SV2A: variants seen among roughly 807,000 people sequenced by gnomAD.
The protein encoded by SV2A is solute carrier family 22 member B1.
In SV2A, 25 loss-of-function variants were observed where a neutral mutation model predicts 78.0. The ratio of observed to expected loss-of-function variants is 0.32; its 90% CI spans 0.23 to 0.45. SV2A has a LOEUF of 0.45. Ranked by LOEUF, SV2A falls within the 20% of genes least tolerant of loss-of-function variation. SV2A has a pLI of 1.00. For missense variants in SV2A, 752 were observed against 971.5 expected (o/e 0.77, Z 3.00); for synonymous variants, 355 against 384.7 (o/e 0.92, Z 0.90).
At chr1:149,911,715 G>C in intron 3 of SV2A, 85 bp downstream of exon 3, 1 of 1,361,836 alleles carries the variant, frequency 7.3e-7, no homozygotes, top group Non-Finnish European at 1.0e-6. Context: ...CATTTGGTGT[G>C]CCTGGCACTG....
In SV2A at chr1:149,909,575, G is replaced by T. The variant is rs371034362; in HGVS notation, c.1180-4C>A. 1 of 1,613,432 alleles carries T rather than the reference G, an allele frequency of 6.2e-7. No individual in the cohort carries two copies. The highest frequency in any genetic ancestry group is 1.1e-5 in the South Asian group (1 of 91,062). On this transcript the variant is annotated splice_region_variant and splice_polypyrimidine_tract_variant and intron_variant, in intron 6 of 12. Transcript: ENST00000369146. Reference sequence around the variant, plus strand: ...GAATCGTCTTAATGTGGGTTACCTGGGGTCAAGAGAAGGGGTGGGCAGTCA... The same window carrying T: ...GAATCGTCTTAATGTGGGTTACCTGTGGTCAAGAGAAGGGGTGGGCAGTCA...
intron 8 of SV2A, 145 bp downstream of exon 8, chr1:149,909,047 A>T: frequency 1.4e-6 from 1 of 721,616 alleles, no homozygotes; most frequent in Non-Finnish European, 2.4e-6. Flanking sequence ...CTAGCGAAGT[A>T]GAGGAGCTGG....
intron 1 of SV2A, among the ~76,000 whole-genome samples, chr1:149,916,350 A>T (rs587691338): frequency 1.3e-5 from 2 of 152,326 alleles, no homozygotes; most frequent in African/African-American, 2.4e-5. Context: ...AGAAAGAAAG[A>T]AGACAAATTC....
chr1:149,913,074 G>A (rs2092485724), intron 2 of SV2A, 145 bp downstream of exon 2: 1 of 1,033,280 alleles, frequency 9.7e-7, no homozygotes, highest in African/African-American at 1.6e-5. Flanking sequence ...TGTGAGGGAA[G>A]AGTGTGCAGA....
At chr1:149,907,912 G>A (rs2092449178) in intron 9 of SV2A, 79 bp from the exon 10 acceptor site, 3 of 1,577,232 alleles carry the variant, frequency 1.9e-6, no homozygotes, top group East Asian at 2.2e-5. Context: ...GCGAAGTAAT[G>A]GGAAGCTGGG....
intron 3 of SV2A, 32 bp from the exon 4 acceptor site, chr1:149,911,009 A>G (rs1333373387): frequency 1.2e-6 from 2 of 1,604,412 alleles, no homozygotes; most frequent in Non-Finnish European, 1.7e-6. Context: ...CAGCATTAGC[A>G]AATGGCCATA....
At position 149,904,824 on chromosome 1, in the gene SV2A, G is replaced by T. The variant is rs933392877; in HGVS notation, c.*190C>A. 1.7e-6 allele frequency: 1 copy of T among 592,372 alleles called. No individual in the cohort carries two copies. Among genetic ancestry groups the T allele is most frequent in the African/African-American group, 1.9e-5 (1 of 53,474 alleles). 36.7% of individuals were successfully genotyped at this position (592,372 alleles called of 1,614,324 possible). Reference sequence around the variant, plus strand: ...GCTTCATCTCAAAACTGGGATGAAGGAGCCTTCCCTGTAGTCCCTGCCCAC... The same window carrying T: ...GCTTCATCTCAAAACTGGGATGAAGTAGCCTTCCCTGTAGTCCCTGCCCAC... On this transcript the variant is annotated 3_prime_UTR_variant, in exon 13 of 13. Coordinates refer to ENST00000369146, the MANE Select transcript of SV2A (RefSeq NM_014849.5).
intron 2 of SV2A, among the ~76,000 whole-genome samples, chr1:149,912,436 A>G (rs1306201706): frequency 2.0e-5 from 3 of 152,126 alleles, no homozygotes; most frequent in African/African-American, 7.2e-5. Context: ...TCTCCCACAC[A>G]AAATCCATCC....
At chr1:149,916,867 G>T (rs1200128612) in intron 1 of SV2A, among the ~76,000 whole-genome samples, 1 of 152,196 alleles carries the variant, frequency 6.6e-6, no homozygotes, top group East Asian at 1.9e-4. Flanking sequence ...AGGAAGATAG[G>T]AGCACCCACA....
chr1:149,913,677 T>A lies in SV2A; in HGVS notation c.164A>T (p.Asp55Val), dbSNP rs201845756. 5.2e-5 allele frequency: 84 copies of A among 1,614,146 alleles called. No homozygotes were observed. The highest frequency in any genetic ancestry group is 1.5e-4 in the Admixed American group (9 of 60,024). The change falls in exon 2 of 13, where the codon GAT becomes GTT. Residue 55 changes from aspartate to valine, a missense_variant. By Grantham distance (152) the Asp-to-Val change is radical (BLOSUM62 -3). Around this residue, in one of 7 missense-constraint regions of SV2A, gnomAD observed 291 missense variants for 359.5 expected, o/e 0.81. Coordinates refer to ENST00000369146, the MANE Select transcript of SV2A (RefSeq NM_014849.5). ...ATCACTGGGAGCAGGGAAGTCATCATCATCATCCTCCTCCTCAAAGCGGGA... is the reference window on the plus strand; with the variant it reads ...ATCACTGGGAGCAGGGAAGTCATCAACATCATCCTCCTCCTCAAAGCGGGA... ...SYSRFEEEDD[D>V]DDFPAPSDGY...
At chr1:149,912,735 G>C (rs782596386) in intron 2 of SV2A, among the ~76,000 whole-genome samples, 1 of 152,008 alleles carries the variant, frequency 6.6e-6, no homozygotes, top group South Asian at 2.1e-4. Flanking sequence ...ACTCCCATCT[G>C]AGTGAGAGAA....
intron 7 of SV2A, 65 bp downstream of exon 7, chr1:149,909,396 C>T: frequency 2.6e-6 from 4 of 1,562,576 alleles, no homozygotes; most frequent in Non-Finnish European, 2.6e-6. Context: ...CACACATAGA[C>T]TTCAGTCCTG....
chr1:149,909,486 A>AC lies in SV2A; in HGVS notation c.1264dup (p.Val422GlyfsTer49). ...CTGCCCCCCTAGGCTCAAGGCCCGG[A>AC]CCCCCCAGCGCTGGTACCAGGTCCC... is the stretch of plus-strand genomic sequence containing the variant. On this transcript the variant is annotated frameshift_variant, in exon 7 of 13. Coordinates refer to ENST00000369146, the MANE Select transcript of SV2A (RefSeq NM_014849.5). LOFTEE classifies it high-confidence loss of function. The AC allele has an allele frequency of 6.2e-7, 1 of 1,612,342 alleles. No individual in the cohort carries two copies. The highest frequency in any genetic ancestry group is 8.5e-7 in the Non-Finnish European group (1 of 1,179,456).
In SV2A at chr1:149,904,978, A is replaced by G. The variant is rs1289090372; in HGVS notation, c.*36T>C. On this transcript the variant is annotated 3_prime_UTR_variant, in exon 13 of 13. Transcript: ENST00000369146. ...GGAAGGAAGGAGTTGTTGGTCTCAC[A>G]GTGTGCCTGCCAATCCCAAAGCCCT... is the stretch of plus-strand genomic sequence containing the variant. 4.4e-6 allele frequency: 7 copies of G among 1,574,424 alleles called. No individual in the cohort carries two copies. The African/African-American group carries it at 9.4e-5, about 21-fold the overall frequency.
chr1:149,912,642 T>G (rs2092482455), intron 2 of SV2A, among the ~76,000 whole-genome samples: 1 of 152,118 alleles, frequency 6.6e-6, no homozygotes, highest in African/African-American at 2.4e-5. Flanking sequence ...AAGGCCTCGA[T>G]TCTTTCTCTG....
In SV2A at chr1:149,910,729, A is replaced by C. The variant is rs587719925; in HGVS notation, c.956-26T>G. On this transcript the variant is annotated intron_variant, in intron 4 of 12. Transcript: ENST00000369146. This position sits in a 1 kb window ranked among gnomAD's most constrained non-coding sequence, Gnocchi z 4.2. Reference sequence around the variant, plus strand: ...CTGGTAGGGAGAAAGTGACAGCATCAGCAGAGAGGCCAGAGGCTGGGGGAA... The same window carrying C: ...CTGGTAGGGAGAAAGTGACAGCATCCGCAGAGAGGCCAGAGGCTGGGGGAA... 6.2e-7 allele frequency: 1 copy of C among 1,613,542 alleles called. No homozygotes were observed. The highest frequency in any genetic ancestry group is 1.1e-5 in the South Asian group (1 of 91,034).
chr1:149,907,644 C>T, intron 10 of SV2A, 56 bp downstream of exon 10: 1 of 1,573,372 alleles, frequency 6.4e-7, no homozygotes, highest in African/African-American at 1.3e-5. Flanking sequence ...AAGGTTCCTT[C>T]TCATCAAGGT....
Position 149,911,109 on chromosome 1 carries a change from A to G in SV2A, c.804-132T>C, listed in dbSNP as rs2101621281. 14 of 1,200,708 alleles carry G rather than the reference A, an allele frequency of 1.2e-5. No homozygotes were observed. The South Asian group carries it at 2.3e-4, about 20-fold the overall frequency. The allele number at this position is 1,200,708 out of a possible 1,614,324, so 74.4% of individuals were successfully genotyped here. On this transcript the variant is annotated intron_variant, in intron 3 of 12. Transcript: ENST00000369146. ...GACTCCATCTCACACATAAAGCCTT[A>G]CAAGCTCCCATGTGGGCCAGCCATC...
Position 149,910,783 on chromosome 1 carries a change from G to C in SV2A, c.955+43C>G, listed in dbSNP as rs1553763622. On this transcript the variant is annotated intron_variant, in intron 4 of 12. Transcript: ENST00000369146. This position sits in a 1 kb window ranked among gnomAD's most constrained non-coding sequence, Gnocchi z 4.2. ...ACCACAGGGAGCACAGAAGAAGAGG[G>C]AGGAGGGAGATAACCTGGGGTGGAT... 1 of 1,611,966 alleles carries C rather than the reference G, an allele frequency of 6.2e-7. No individual in the cohort carries two copies. The highest frequency in any genetic ancestry group is 8.5e-7 in the Non-Finnish European group (1 of 1,178,320).
Sources: gnomAD v4.1 joint callset for allele counts (sites outside exome capture counted in the v4.1 genomes callset) on GRCh38, gnomAD v4.1.1 for gene constraint, gnomAD v4.1.1 regional missense constraint, Gnocchi (gnomAD v3.1) non-coding constraint, MANE v1.5 for transcripts, NCBI Gene and HGNC (gene_info 2026-07-23, HGNC 2026-07-21) for gene names.